The following PLXNA4 variants were observed in gnomAD, a reference collection of about 807,000 sequenced individuals.
PLXNA4 encodes plexin-A4.
Under a neutral mutation model 191.8 loss-of-function variants are expected in PLXNA4, and 44 were observed. The observed-to-expected ratio is 0.23, with a 90% CI of 0.18 to 0.29. The LOEUF (loss-of-function observed/expected upper bound fraction) is 0.29. Among genes scored for constraint, PLXNA4 ranks in the 10% least tolerant of loss-of-function variants. The probability of loss-of-function intolerance (pLI) is 1.00; values close to 1 mark genes in which losing one functional copy is unlikely to be tolerated. For missense variants in PLXNA4, 1,800 were observed against 2,488.8 expected (o/e 0.72, Z 5.89); for synonymous variants, 1,082 against 1,009.5 (o/e 1.07, Z -1.36).
Position 132,388,589 on chromosome 7 carries a change from T to G in PLXNA4, c.1372-90367A>C, listed in dbSNP as rs538431962. ...CTTTTCTGTGTCCTGACCATGTATT[T>G]TTAGCAATCCAACTAAGGGGTTCCA... is the stretch of plus-strand genomic sequence containing the variant. On this transcript the variant is annotated intron_variant, in intron 3 of 31. Transcript: ENST00000321063. 2.0e-5 allele frequency among the ~76,000 whole-genome samples: 3 copies of G among 152,348 alleles called. No individual in the cohort carries two copies. In the East Asian group the frequency reaches 5.8e-4, roughly 29 times the overall value.
In PLXNA4 at chr7:132,472,183, T is replaced by C. The variant is rs572813057; in HGVS notation, c.1371+17109A>G. On this transcript the variant is annotated intron_variant, in intron 3 of 31. Coordinates refer to ENST00000321063, the MANE Select transcript of PLXNA4 (RefSeq NM_020911.2). ...CATACTTGCTTTTTGATCATGAAAA[T>C]AAAAAAATTTTGCCCTGATACTTTT... Among the ~76,000 whole-genome samples, 82 of 152,256 alleles carry C rather than the reference T, an allele frequency of 5.4e-4. 1 individual carries two copies. The highest frequency in any genetic ancestry group is 1.9e-3 in the African/African-American group (77 of 41,546).
chr7:132,217,407 C>T (rs891775761), intron 9 of PLXNA4, among the ~76,000 whole-genome samples: 3 of 152,124 alleles, frequency 2.0e-5, no homozygotes, highest in Non-Finnish European at 4.4e-5. Context: ...GAATTTATAG[C>T]CCCTAGTGTG....
intron 4 of PLXNA4, among the ~76,000 whole-genome samples, chr7:132,282,588 G>T (rs1037253756): frequency 2.7e-5 from 3 of 109,604 alleles, no homozygotes; most frequent in African/African-American, 1.1e-4. Flanking sequence ...TAGCCTGGGT[G>T]ATAGAGCCAG....
chr7:132,475,540 G>A (rs74925859), intron 3 of PLXNA4, among the ~76,000 whole-genome samples: 2,800 of 151,944 alleles, frequency 0.018, 79 homozygotes, highest in African/African-American at 0.064. Context: ...CCCTGCCCCC[G>A]CACAGAACAA....
At chr7:132,602,482 G>A in intron 2 of PLXNA4, among the ~76,000 whole-genome samples, 1 of 152,124 alleles carries the variant, frequency 6.6e-6, no homozygotes. Context: ...TTCTCAGAGT[G>A]TTCTGCTCAA....
At chr7:132,153,407 G>A (rs984807607) in intron 25 of PLXNA4, among the ~76,000 whole-genome samples, 2 of 152,020 alleles carry the variant, frequency 1.3e-5, no homozygotes, top group East Asian at 3.9e-4. Context: ...TATTAGAGGG[G>A]CAAAGAGGCA....
chr7:132,124,474 C>G lies in PLXNA4; in HGVS notation c.*6005G>C, dbSNP rs914398348. 3.9e-5 allele frequency: 6 copies of G among 152,196 alleles called. No homozygotes were observed. The highest frequency in any genetic ancestry group is 8.8e-5 in the Non-Finnish European group (6 of 68,038). 9.4% of individuals were successfully genotyped at this position (152,196 alleles called of 1,614,324 possible). ...ACTGTATCCTCTGTTTTAAATTCTA[C>G]TTTTGTAAGGGAGCCCTTCCAAAAT... On this transcript the variant is annotated 3_prime_UTR_variant, in exon 32 of 32. Transcript: ENST00000321063.
chr7:132,206,980 C>T (rs1797646581), intron 10 of PLXNA4, among the ~76,000 whole-genome samples: 1 of 152,164 alleles, frequency 6.6e-6, no homozygotes, highest in African/African-American at 2.4e-5. Flanking sequence ...TCCCCATTAC[C>T]TTGGGAAAGT....
At chr7:132,238,537 CCAG>C (rs550912118) in intron 5 of PLXNA4, among the ~76,000 whole-genome samples, 2 of 152,072 alleles carry the variant, frequency 1.3e-5, no homozygotes, top group Non-Finnish European at 2.9e-5. Context: ...CAACGAGGTG[CCAG>C]CAGCAGCAGC....
At chr7:132,615,682 C>T (rs1585406934) in intron 2 of PLXNA4, among the ~76,000 whole-genome samples, 1 of 152,182 alleles carries the variant, frequency 6.6e-6, no homozygotes, top group African/African-American at 2.4e-5. Flanking sequence ...AGGGAAGTGA[C>T]GCTTTTCATG....
chr7:132,503,185 C>A (rs968604864), intron 2 of PLXNA4, among the ~76,000 whole-genome samples: 11 of 152,196 alleles, frequency 7.2e-5, no homozygotes, highest in African/African-American at 2.7e-4. Context: ...ATCACCCAGG[C>A]CATAATGACC....
At chr7:132,363,007 C>T (rs566523373) in intron 3 of PLXNA4, among the ~76,000 whole-genome samples, 10 of 152,230 alleles carry the variant, frequency 6.6e-5, no homozygotes, top group South Asian at 2.1e-4. Context: ...ATTTTTGAAA[C>T]GGAGTCTCAC....
intron 4 of PLXNA4, among the ~76,000 whole-genome samples, chr7:132,288,220 T>C (rs530240608): frequency 6.6e-6 from 1 of 152,214 alleles, no homozygotes; most frequent in East Asian, 1.9e-4. Context: ...AGTAGGAGCG[T>C]GTTGCGCCAG....
intron 3 of PLXNA4, among the ~76,000 whole-genome samples, chr7:132,467,045 CACACTACTTGCT>C (rs548823391): frequency 1.8e-4 from 28 of 152,286 alleles, no homozygotes; most frequent in Non-Finnish European, 3.7e-4. Flanking sequence ...AGGTAAACTG[CACACTACTTGCT>C]CCACACATGG....
intron 3 of PLXNA4, among the ~76,000 whole-genome samples, chr7:132,385,497 T>C (rs1805090844): frequency 6.6e-6 from 1 of 152,216 alleles, no homozygotes; most frequent in Non-Finnish European, 1.5e-5. Flanking sequence ...GTCCAAATCC[T>C]GGGTCAACCA....
At chr7:132,437,852 T>A (rs1264479371) in intron 3 of PLXNA4, among the ~76,000 whole-genome samples, 3 of 152,152 alleles carry the variant, frequency 2.0e-5, no homozygotes, top group Non-Finnish European at 4.4e-5. Flanking sequence ...CAAGCCCATG[T>A]GATTCCCTCC....
At chr7:132,314,104 A>G (rs1056832034) in intron 3 of PLXNA4, among the ~76,000 whole-genome samples, 2 of 152,182 alleles carry the variant, frequency 1.3e-5, no homozygotes, top group African/African-American at 4.8e-5. Flanking sequence ...CACAGGAAAG[A>G]CACACCGATT....
intron 3 of PLXNA4, among the ~76,000 whole-genome samples, chr7:132,465,951 G>A (rs156931): frequency 0.74 from 113,130 of 151,936 alleles, 45,392 homozygotes; most frequent in Non-Finnish European, 0.9. Context: ...CATTCCCTTC[G>A]AAGGGATTCA....
intron 4 of PLXNA4, among the ~76,000 whole-genome samples, chr7:132,260,927 G>A (rs1799618788): frequency 6.6e-6 from 1 of 152,094 alleles, no homozygotes; most frequent in South Asian, 2.1e-4. Context: ...TGTAACAAAG[G>A]GACCACTCTG....
Sources: allele counts gnomAD v4.1 joint callset (sites outside exome capture counted in the v4.1 genomes callset), GRCh38; gene constraint gnomAD v4.1.1; transcripts MANE v1.5; gene names NCBI Gene and HGNC (gene_info 2026-07-23, HGNC 2026-07-21).